AQR: variants seen among roughly 807,000 people sequenced by gnomAD.
The protein encoded by AQR is RNA helicase aquarius.
In AQR, 61 loss-of-function variants were observed where a neutral mutation model predicts 180.5. The observed-to-expected ratio is 0.34, with a 90% confidence interval of 0.28 to 0.42. AQR has a LOEUF of 0.42. Among genes scored for constraint, AQR ranks in the 10% least tolerant of loss-of-function variants. AQR has a pLI of 1.00. For synonymous variants in AQR, 551 were observed against 588.8 expected, an observed-to-expected ratio of 0.94 and a Z score of 0.93; for missense variants, 1,281 against 1,798.3, an observed-to-expected ratio of 0.71 and a Z score of 5.20.
At chr15:34,962,024 CTT>C (rs556539727) in intron 2 of AQR, among the ~76,000 whole-genome samples, 36 of 138,968 alleles carry the variant, frequency 2.6e-4, no homozygotes, top group Admixed American at 3.6e-4. Context: ...ACTATAATGT[CTT>C]TTTTTTTTTT....
Position 34,852,931 on chromosome 15 carries a change from CA to C in AQR, c.*3860del, listed in dbSNP as rs1460775658. The stretch of plus-strand genomic sequence containing the variant: ...ACTGTCAGTCCGGAGTACCATGCTG[CA>C]TTCTGAGTCAAGCTCCAGGAAACTG... On this transcript the variant is annotated 3_prime_UTR_variant, in exon 35 of 35. Transcript: ENST00000156471. 2.6e-5 allele frequency: 4 copies of C among 152,342 alleles called. No homozygotes were observed. The highest frequency in any genetic ancestry group is 3.4e-3 in the Middle Eastern group (1 of 292). The allele number at this position is 152,342 out of a possible 1,614,324, so 9.4% of individuals were successfully genotyped here.
At chr15:34,885,564 G>A (rs1893047701) in intron 25 of AQR, among the ~76,000 whole-genome samples, 1 of 152,108 alleles carries the variant, frequency 6.6e-6, no homozygotes, top group Admixed American at 6.5e-5. Flanking sequence ...GAAGCCTCAA[G>A]TTCATTCTTC....
intron 26 of AQR, among the ~76,000 whole-genome samples, chr15:34,883,783 C>T (rs1356496318): frequency 2.0e-5 from 3 of 152,158 alleles, no homozygotes; most frequent in African/African-American, 7.2e-5. Flanking sequence ...GATGATTCTG[C>T]AATGATGTGG....
chr15:34,902,657 G>T (rs758674243), intron 19 of AQR, among the ~76,000 whole-genome samples: 2 of 152,032 alleles, frequency 1.3e-5, no homozygotes, highest in African/African-American at 2.4e-5. Context: ...CTTACAGTAG[G>T]CACTAAATAG....
chr15:34,878,770 C>A (rs1892925291), intron 27 of AQR, among the ~76,000 whole-genome samples: 1 of 152,146 alleles, frequency 6.6e-6, no homozygotes, highest in Non-Finnish European at 1.5e-5. Flanking sequence ...GTTGCTCATG[C>A]CTGTAATCCC....
In AQR at chr15:34,900,702, A is replaced by G. The variant is rs749708831; in HGVS notation, c.2163T>C (p.Ile721=). ...CAGGGAAGCTGGCTTTTAAATGCTC[A>G]ATGGAGAGAAATGTATCATTGAAAT... The part of the protein sequence containing the change: ...TLDFNDTFLS[I]EHLKASFPGH... The change falls in exon 20 of 35, where the codon ATT becomes ATC. Residue 721 remains isoleucine, a synonymous_variant. Coordinates refer to ENST00000156471, the MANE Select transcript of AQR (RefSeq NM_014691.3). 21 of 1,614,056 alleles carry G rather than the reference A, an allele frequency of 1.3e-5. No homozygotes were observed. In the South Asian group the frequency reaches 1.3e-4, roughly 10 times the overall value.
chr15:34,930,473 G>A, intron 11 of AQR, 102 bp from the exon 12 acceptor site: 1 of 625,330 alleles, frequency 1.6e-6, no homozygotes, highest in Non-Finnish European at 2.7e-6. Flanking sequence ...TCTCAGAGGT[G>A]CTGAAAAAAC....
intron 5 of AQR, among the ~76,000 whole-genome samples, chr15:34,947,666 G>C (rs1400170193): frequency 6.6e-6 from 1 of 151,678 alleles, no homozygotes; most frequent in Admixed American, 6.6e-5. Context: ...TTAGAGACAG[G>C]CCTCGCTCTG....
At chr15:34,941,529 G>T (rs12917386) in intron 7 of AQR, among the ~76,000 whole-genome samples, 111,863 of 152,010 alleles carry the variant, frequency 0.74, 42,495 homozygotes, top group Middle Eastern at 0.85. Context: ...GTGCAGGAAG[G>T]GAAATTCTGA....
At chr15:34,956,973 T>C (rs983576661) in intron 3 of AQR, among the ~76,000 whole-genome samples, 3 of 88,882 alleles carry the variant, frequency 3.4e-5, no homozygotes, top group Non-Finnish European at 9.6e-5. Context: ...GATGAAGAAT[T>C]CATTAAGATA....
At chr15:34,943,282 G>T in intron 6 of AQR, 1 of 1,584,644 alleles carries the variant, frequency 6.3e-7, no homozygotes, top group Non-Finnish European at 8.6e-7. Flanking sequence ...ATTGTGCTAA[G>T]GCTTGAGTGC....
At chr15:34,967,648 G>T (rs1004319217) in intron 1 of AQR, among the ~76,000 whole-genome samples, 1 of 152,110 alleles carries the variant, frequency 6.6e-6, no homozygotes, top group African/African-American at 2.4e-5. Flanking sequence ...ATGAAAGATA[G>T]CATGGCACAT....
intron 17 of AQR, among the ~76,000 whole-genome samples, chr15:34,908,518 A>C (rs139513306): frequency 6.6e-6 from 1 of 152,182 alleles, no homozygotes; most frequent in African/African-American, 2.4e-5. Context: ...TGTGATCAAT[A>C]TAGGGGCTGG....
chr15:34,909,458 A>G lies in AQR; in HGVS notation c.1663+677T>C, dbSNP rs370496365. On this transcript the variant is annotated intron_variant, in intron 17 of 34. Coordinates refer to ENST00000156471, the MANE Select transcript of AQR (RefSeq NM_014691.3). ...AACTCTAATCCTTAAAATCTTGCCT[A>G]GCAAAAATAGGAGGAATAACTCCTT... is the stretch of plus-strand genomic sequence containing the variant. 6.6e-5 allele frequency among the ~76,000 whole-genome samples: 10 copies of G among 152,340 alleles called. No homozygotes were observed. The East Asian group carries it at 1.3e-3, about 21-fold the overall frequency.
chr15:34,891,613 A>G (rs142022225), intron 23 of AQR, among the ~76,000 whole-genome samples: 1 of 152,324 alleles, frequency 6.6e-6, no homozygotes, highest in Non-Finnish European at 1.5e-5. Context: ...CATAAAGTAG[A>G]GGATAACTGT....
chr15:34,933,061 G>A (rs1893890549), intron 10 of AQR, among the ~76,000 whole-genome samples: 1 of 152,222 alleles, frequency 6.6e-6, no homozygotes, highest in African/African-American at 2.4e-5. Context: ...TATACCGTGT[G>A]TATGTTTAAA....
At chr15:34,918,711 T>C (rs1250748534) in intron 14 of AQR, among the ~76,000 whole-genome samples, 1 of 152,204 alleles carries the variant, frequency 6.6e-6, no homozygotes, top group Non-Finnish European at 1.5e-5. Context: ...AAATATGAAA[T>C]AGTGTCAAAG....
intron 24 of AQR, 80 bp downstream of exon 24, chr15:34,890,135 C>A: frequency 7.9e-7 from 1 of 1,269,086 alleles, no homozygotes; most frequent in Non-Finnish European, 1.1e-6. Flanking sequence ...GTATTCATTG[C>A]TTTCTTCTTC....
intron 13 of AQR, among the ~76,000 whole-genome samples, chr15:34,925,985 G>A (rs150321460): frequency 0.012 from 1,790 of 151,908 alleles, 37 homozygotes; most frequent in African/African-American, 0.041. Context: ...GGCTAACACG[G>A]TGAAACCCCG....
Sources: allele counts gnomAD v4.1 joint callset (sites outside exome capture counted in the v4.1 genomes callset), GRCh38; gene constraint gnomAD v4.1.1; transcripts MANE v1.5; gene names NCBI Gene and HGNC (gene_info 2026-07-23, HGNC 2026-07-21).